KLC4: variants seen among roughly 807,000 people sequenced by gnomAD.
The protein encoded by KLC4 is kinesin light chain 4, also known as kinesin-like protein 8.
A neutral mutation model predicts 77.2 loss-of-function variants in KLC4; 49 were observed. The observed-to-expected ratio is 0.63, with a 90% CI of 0.50 to 0.80. KLC4 has a LOEUF of 0.80. Among genes scored for constraint, KLC4 ranks in the 30% least tolerant of loss-of-function variants. The pLI is 0.00. For synonymous variants in KLC4, 274 were observed against 314.5 expected, an observed-to-expected ratio of 0.87 and a Z score of 1.36; for missense variants, 669 against 793.5, an observed-to-expected ratio of 0.84 and a Z score of 1.89.
chr6:43,069,281 G>T (rs1765608454), intron 6 of KLC4, among the ~76,000 whole-genome samples: 1 of 152,168 alleles, frequency 6.6e-6, no homozygotes, highest in Non-Finnish European at 1.5e-5. Context: ...GTTTCGCAGT[G>T]TCACCCAGCC....
At chr6:43,065,107 T>C (rs1015405942) in intron 3 of KLC4, among the ~76,000 whole-genome samples, 10 of 151,914 alleles carry the variant, frequency 6.6e-5, no homozygotes, top group African/African-American at 2.4e-4. Flanking sequence ...AGAGTTTCGC[T>C]CTTGTTGCCC....
rs752203741 is a variant in KLC4, at chr6:43,073,388, C to T, written c.1745+50C>T. ...TAAAGTGGCCGGGTGCAGTGGCTCA[C>T]GCCTGTAATCCCAGCACTTTGGGAG... On this transcript the variant is annotated intron_variant, in intron 14 of 15. Coordinates refer to ENST00000347162, the MANE Select transcript of KLC4 (RefSeq NM_201521.3). 4.8e-5 allele frequency: 65 copies of T among 1,343,622 alleles called. No individual in the cohort carries two copies. In the East Asian group the frequency reaches 6.2e-4, roughly 13 times the overall value. 83.2% of individuals were successfully genotyped at this position (1,343,622 alleles called of 1,614,324 possible).
Position 43,066,342 on chromosome 6 carries a change from G to A in KLC4, c.608G>A (p.Gly203Asp), listed in dbSNP as rs779336865. The A allele has an allele frequency of 6.8e-6, 11 of 1,614,080 alleles. No homozygotes were observed. Among genetic ancestry groups the A allele is most frequent in the Non-Finnish European group, 8.5e-6 (10 of 1,180,038 alleles). Residue 203 changes from glycine to aspartate, a missense_variant, in exon 5 of 16, where the codon GGT becomes GAT. By Grantham distance (94) the Gly-to-Asp change is moderately conservative (BLOSUM62 -1). Coordinates refer to ENST00000347162, the MANE Select transcript of KLC4 (RefSeq NM_201521.3). ...RGQGATAAQQ[G>D]GYEIPARLRT... ...CAAGGTGCTACAGCAGCTCAGCAGGGTGGATATGAGATCCCAGCAAGGTTG... is the reference window on the plus strand; with the variant it reads ...CAAGGTGCTACAGCAGCTCAGCAGGATGGATATGAGATCCCAGCAAGGTTG...
At position 43,072,214 on chromosome 6, in the gene KLC4, G is replaced by A; in HGVS notation, c.1447G>A (p.Ala483Thr). 1 of 1,614,138 alleles carries A rather than the reference G, an allele frequency of 6.2e-7. No homozygotes were observed. Among genetic ancestry groups the A allele is most frequent in the Non-Finnish European group, 8.5e-7 (1 of 1,179,994 alleles). ...TAGGCGCCAGGGAAAGCTGGAGGCT[G>A]CTGAGACCCTGGAGGAATGTGCCCT... Reference protein sequence around the residue: ...LYRRQGKLEAAETLEECALRS... With the variant: ...LYRRQGKLEATETLEECALRS... The change falls in exon 12 of 16, where the codon GCT becomes ACT. Residue 483 changes from alanine to threonine, a missense_variant. Transcript: ENST00000347162.
chr6:43,071,688 A>C lies in KLC4; in HGVS notation c.1308+69A>C, dbSNP rs368402765. On this transcript the variant is annotated intron_variant, in intron 10 of 15. Transcript: ENST00000347162. ...CCGGGGTCTCTGTCTTACTCCTTGCATTAGCCCAACTCTCACTTCCCATCC... is the reference window on the plus strand; with the variant it reads ...CCGGGGTCTCTGTCTTACTCCTTGCCTTAGCCCAACTCTCACTTCCCATCC... 19 of 1,532,314 alleles carry C rather than the reference A, an allele frequency of 1.2e-5. No individual in the cohort carries two copies. In the African/African-American group the frequency reaches 2.0e-4, roughly 16 times the overall value. 94.9% of individuals were successfully genotyped at this position (1,532,314 alleles called of 1,614,324 possible).
Position 43,059,871 on chromosome 6 carries a change from G to GC in KLC4, c.-26+191dup. 4.2e-6 allele frequency: 5 copies of GC among 1,195,708 alleles called. No homozygotes were observed. The East Asian group carries it at 1.4e-4, about 34-fold the overall frequency. 74.1% of individuals were successfully genotyped at this position (1,195,708 alleles called of 1,614,324 possible). On this transcript the variant is annotated intron_variant, in intron 1 of 15. Coordinates refer to ENST00000347162, the MANE Select transcript of KLC4 (RefSeq NM_201521.3). ...GACAGATAGACAGACGACCTGCCCC[G>GC]CCCCCTGCGCCACCGACTGACTCAG...
intron 6 of KLC4, among the ~76,000 whole-genome samples, chr6:43,068,082 A>C (rs1408918643): frequency 7.7e-5 from 7 of 90,518 alleles, no homozygotes; most frequent in Admixed American, 6.2e-4. Flanking sequence ...ACTGCACTCC[A>C]GCCTGGGCGA....
At chr6:43,069,223 G>A (rs1185150780) in intron 6 of KLC4, among the ~76,000 whole-genome samples, 1 of 152,040 alleles carries the variant, frequency 6.6e-6, no homozygotes, top group Non-Finnish European at 1.5e-5. Flanking sequence ...AATGAAAAAT[G>A]AAAAGTTTGT....
intron 3 of KLC4, among the ~76,000 whole-genome samples, chr6:43,063,551 TG>T (rs893555908): frequency 5.8e-5 from 8 of 138,696 alleles, no homozygotes; most frequent in African/African-American, 2.2e-4. Context: ...TCAAAATGTG[TG>T]AATTTTTTTT....
At chr6:43,060,267 G>A (rs762275982) in intron 1 of KLC4, 2 of 1,613,978 alleles carry the variant, frequency 1.2e-6, no homozygotes, top group East Asian at 2.2e-5. Context: ...TCCCAGACAC[G>A]CCTCTTGCTG....
In KLC4 at chr6:43,061,599, AG is replaced by A. The variant is rs748609092; in HGVS notation, c.258+9del. 4.4e-6 allele frequency: 7 copies of A among 1,604,736 alleles called. No individual in the cohort carries two copies. The South Asian group carries it at 7.7e-5, about 18-fold the overall frequency. ...TCGGGCTGAGTGAGGCCCAGGTGAG[AG>A]GGCAAAGGTGGTGCCAAGTGGTCCA... On this transcript the variant is annotated splice_region_variant and intron_variant, in intron 2 of 15. Transcript: ENST00000347162.
In KLC4 at chr6:43,067,928, C is replaced by T. The variant is rs1445570353; in HGVS notation, c.879+845C>T. Among the ~76,000 whole-genome samples the T allele has an allele frequency of 2.8e-4, 29 of 103,754 alleles. 4 individuals are homozygous for T. The highest frequency in any genetic ancestry group is 9.1e-4 in the East Asian group (3 of 3,306). The allele number at this position is 103,754 out of a possible 152,430, so 68.1% of individuals were successfully genotyped here. ...GAGATCGAGACCATCCTGGCTAAAA[C>T]GGTGAAACCCCGTCTCTACTAAAAA... On this transcript the variant is annotated intron_variant, in intron 6 of 15. Coordinates refer to ENST00000347162, the MANE Select transcript of KLC4 (RefSeq NM_201521.3).
At chr6:43,073,999 G>A (rs756628352) in intron 15 of KLC4, 34 bp downstream of exon 15, 5 of 1,542,114 alleles carry the variant, frequency 3.2e-6, no homozygotes, top group Non-Finnish European at 4.4e-6. Context: ...ATTGGTGGGT[G>A]AGGAAAAAAG....
In KLC4 at chr6:43,066,440, C is replaced by T. The variant is rs904629130; in HGVS notation, c.706C>T (p.Gln236Ter). The T allele has an allele frequency of 2.5e-6, 4 of 1,614,054 alleles. No homozygotes were observed. The highest frequency in any genetic ancestry group is 3.4e-6 in the Non-Finnish European group (4 of 1,180,014). ...TGAGGTGGCCGTGCCACTCTGTAAGCAGGCACTAGAGGACCTGGAGCGCAC... is the reference window on the plus strand; with the variant it reads ...TGAGGTGGCCGTGCCACTCTGTAAGTAGGCACTAGAGGACCTGGAGCGCAC... ...RYEVAVPLCK[Q>*]ALEDLERTSG... Residue 236 changes from glutamine to a stop codon, truncating the protein, a stop_gained, in exon 5 of 16, where the codon CAG (glutamine) becomes TAG (stop). Coordinates refer to ENST00000347162, the MANE Select transcript of KLC4 (RefSeq NM_201521.3). LOFTEE classifies it high-confidence loss of function.
intron 14 of KLC4, 28 bp from the exon 15 acceptor site, chr6:43,073,874 G>A: frequency 2.5e-6 from 4 of 1,611,048 alleles, no homozygotes; most frequent in Non-Finnish European, 3.4e-6. Flanking sequence ...AAGAGAGGAG[G>A]CCTCAATTCT....
At position 43,070,437 on chromosome 6, in the gene KLC4, A is replaced by G; in HGVS notation, c.963A>G (p.Ala321=). Residue 321 remains alanine, a synonymous_variant, in exon 7 of 16, where the codon GCA becomes GCG. Transcript: ENST00000347162. ...YKEAEPLCQR[A]LEIREKVLGT... is the part of the protein sequence containing the mutation. ...AGGCAGAGCCTCTGTGCCAGCGGGC[A>G]CTGGAGATTCGAGAAAAGGTACCCA... 4 of 1,613,730 alleles carry G rather than the reference A, an allele frequency of 2.5e-6. No homozygotes were observed. Among genetic ancestry groups the G allele is most frequent in the Non-Finnish European group, 3.4e-6 (4 of 1,179,622 alleles).
At chr6:43,067,269 C>A in intron 6 of KLC4, 186 bp downstream of exon 6, 1 of 1,259,088 alleles carries the variant, frequency 7.9e-7, no homozygotes, top group Non-Finnish European at 1.0e-6. Context: ...CTCTGAGACT[C>A]AGTGACTCCT....
At chr6:43,064,747 A>T (rs1291603946) in intron 3 of KLC4, among the ~76,000 whole-genome samples, 2 of 152,234 alleles carry the variant, frequency 1.3e-5, no homozygotes, top group African/African-American at 2.4e-5. Context: ...TGAATTGCAT[A>T]GGACACATTG....
intron 6 of KLC4, among the ~76,000 whole-genome samples, chr6:43,069,982 G>A (rs939602068): frequency 6.6e-6 from 1 of 151,386 alleles, no homozygotes; most frequent in African/African-American, 2.4e-5. Context: ...TACATTTAGC[G>A]TTTGGATGTC....
Sources: gnomAD v4.1 joint callset for allele counts (sites outside exome capture counted in the v4.1 genomes callset) on GRCh38, gnomAD v4.1.1 for gene constraint, MANE v1.5 for transcripts, NCBI Gene and HGNC (gene_info 2026-07-23, HGNC 2026-07-21) for gene names.